The following LRBA variants were observed in gnomAD, a reference collection of about 807,000 sequenced individuals.
LRBA encodes the protein LPS responsive beige-like anchor protein.
In LRBA, 176 loss-of-function variants were observed where a neutral mutation model predicts 330.0. The observed-to-expected ratio is 0.53, with a 90% CI of 0.47 to 0.60. LRBA has a LOEUF of 0.60. Ranked by LOEUF, LRBA falls within the 20% of genes least tolerant of loss-of-function variation. The pLI is 0.00. For synonymous variants in LRBA, 1,230 were observed against 1,193.0 expected, an observed-to-expected ratio of 1.03 and a Z score of -0.64; for missense variants, 3,259 against 3,444.8, an observed-to-expected ratio of 0.95 and a Z score of 1.35.
At chr4:150,793,735 C>A (rs548530024) in intron 34 of LRBA, among the ~76,000 whole-genome samples, 2 of 152,010 alleles carry the variant, frequency 1.3e-5, no homozygotes, top group South Asian at 4.2e-4. Flanking sequence ...CTCATTTAGG[C>A]GTAGAGTTGT....
At position 150,321,389 on chromosome 4, in the gene LRBA, G is replaced by T; in HGVS notation, c.7453-21C>A. 1 of 1,547,144 alleles carries T rather than the reference G, an allele frequency of 6.5e-7. No homozygotes were observed. The highest frequency in any genetic ancestry group is 1.3e-5 in the South Asian group (1 of 79,764). ...GGACTCTGCAGGAGGAGATACTGTTGAGTGGGCATGACAAGACCCAAATAG... is the reference window on the plus strand; with the variant it reads ...GGACTCTGCAGGAGGAGATACTGTTTAGTGGGCATGACAAGACCCAAATAG... On this transcript the variant is annotated intron_variant, in intron 49 of 56. Transcript: ENST00000651943. This position sits in a 1 kb window ranked among gnomAD's most constrained non-coding sequence, Gnocchi z 4.5.
At position 150,314,017 on chromosome 4, in the gene LRBA, T is replaced by C. The variant is rs111698138; in HGVS notation, c.7693+1544A>G. Among the ~76,000 whole-genome samples the C allele has an allele frequency of 8.3e-3, 1,255 of 152,020 alleles. 15 individuals carry two copies. Among genetic ancestry groups the C allele is most frequent in the African/African-American group, 0.029 (1,193 of 41,478 alleles). Reference sequence around the variant, plus strand: ...TTAAAAAGTTTCAGAGTTTGGAGTATTTGGGGCTTGGGATTTGCAGATTAG... The same window carrying C: ...TTAAAAAGTTTCAGAGTTTGGAGTACTTGGGGCTTGGGATTTGCAGATTAG... On this transcript the variant is annotated intron_variant, in intron 51 of 56. Transcript: ENST00000651943.
intron 45 of LRBA, 51 bp downstream of exon 45, chr4:150,436,673 T>C: frequency 6.5e-7 from 1 of 1,536,222 alleles, no homozygotes; most frequent in South Asian, 1.2e-5. Flanking sequence ...TGCATATCCT[T>C]CACAACACTG....
At chr4:150,605,166 G>C (rs1774503755) in intron 37 of LRBA, among the ~76,000 whole-genome samples, 1 of 152,186 alleles carries the variant, frequency 6.6e-6, no homozygotes, top group Admixed American at 6.5e-5. Flanking sequence ...ACTGAAATCA[G>C]TGGTAGCTAT....
At chr4:150,940,048 G>A (rs185226946) in intron 2 of LRBA, among the ~76,000 whole-genome samples, 1 of 151,960 alleles carries the variant, frequency 6.6e-6, no homozygotes, top group East Asian at 1.9e-4. Context: ...ATATTGCTGA[G>A]GAATATATAC....
At chr4:150,795,163 G>C (rs1365321724) in intron 34 of LRBA, among the ~76,000 whole-genome samples, 1 of 152,106 alleles carries the variant, frequency 6.6e-6, no homozygotes, top group Admixed American at 6.5e-5. Flanking sequence ...AAGTGGCCTT[G>C]AATGCAACGT....
chr4:150,752,452 T>G (rs1029149350), intron 35 of LRBA, among the ~76,000 whole-genome samples: 1 of 152,098 alleles, frequency 6.6e-6, no homozygotes, highest in Admixed American at 6.6e-5. Context: ...AAGAATAGAT[T>G]TTGTTGGTAA....
chr4:150,912,676 G>A (rs1022559863), intron 9 of LRBA, among the ~76,000 whole-genome samples: 8 of 152,140 alleles, frequency 5.3e-5, no homozygotes, highest in African/African-American at 1.7e-4. Flanking sequence ...GACCAAAAAG[G>A]TTGGGGACTG....
chr4:150,452,636 A>T (rs1753504351), intron 44 of LRBA, among the ~76,000 whole-genome samples: 2 of 151,764 alleles, frequency 1.3e-5, no homozygotes. Flanking sequence ...GAAAAAAAAA[A>T]AAAAGAAGGG....
At chr4:150,657,560 G>C (rs1401943471) in intron 37 of LRBA, among the ~76,000 whole-genome samples, 2 of 151,824 alleles carry the variant, frequency 1.3e-5, no homozygotes, top group Non-Finnish European at 2.9e-5. Context: ...AGATGTGGAA[G>C]CATTTACCAT....
chr4:150,728,409 C>T (rs1353434203), intron 36 of LRBA, among the ~76,000 whole-genome samples: 1 of 151,970 alleles, frequency 6.6e-6, no homozygotes, highest in Non-Finnish European at 1.5e-5. Flanking sequence ...AAACTATAGG[C>T]CAATCTCACT....
At chr4:150,436,564 T>C (rs1163507077) in intron 45 of LRBA, among the ~76,000 whole-genome samples, 160 bp downstream of exon 45, 1 of 152,154 alleles carries the variant, frequency 6.6e-6, no homozygotes, top group African/African-American at 2.4e-5. Flanking sequence ...TTTAAGGCAA[T>C]ACAAGCCAAA....
intron 2 of LRBA, among the ~76,000 whole-genome samples, chr4:150,982,906 C>T (rs191534666): frequency 1.3e-5 from 2 of 152,130 alleles, no homozygotes; most frequent in Non-Finnish European, 2.9e-5. Flanking sequence ...AGGTGCAGAA[C>T]TGGAAAGTGG....
intron 31 of LRBA, among the ~76,000 whole-genome samples, chr4:150,809,884 CG>C (rs1280540270): frequency 9.5e-5 from 14 of 147,234 alleles, no homozygotes; most frequent in African/African-American, 2.1e-4. Context: ...CGATACGATA[CG>C]ATACGATACG....
In LRBA at chr4:150,590,520, G is replaced by A. The variant is rs72736323; in HGVS notation, c.6193+193C>T. ...ATTATTCACAAAAGAAAAAAATGAG[G>A]AGAGTAAGAAGACTGAATAGAATAG... On this transcript the variant is annotated intron_variant, in intron 39 of 56. Coordinates refer to ENST00000651943, the MANE Select transcript of LRBA (RefSeq NM_001364905.1). Among the ~76,000 whole-genome samples, 244 of 152,208 alleles carry A rather than the reference G, an allele frequency of 1.6e-3. 1 individual carries two copies. Among genetic ancestry groups the A allele is most frequent in the Admixed American group, 3.7e-3 (56 of 15,282 alleles).
intron 56 of LRBA, 36 bp downstream of exon 56, chr4:150,277,817 G>A (rs1746997112): frequency 1.2e-6 from 2 of 1,604,656 alleles, no homozygotes; most frequent in South Asian, 1.1e-5. Flanking sequence ...TGCAGTTTTT[G>A]AAACCCCTAT....
intron 22 of LRBA, among the ~76,000 whole-genome samples, chr4:150,855,995 A>T (rs1158215671): frequency 1.3e-5 from 2 of 152,186 alleles, no homozygotes; most frequent in Non-Finnish European, 2.9e-5. Context: ...AAATACAGGA[A>T]ATATAGAGGT....
intron 37 of LRBA, among the ~76,000 whole-genome samples, chr4:150,616,482 A>AG (rs1215304926): frequency 2.6e-5 from 4 of 152,226 alleles, no homozygotes; most frequent in Non-Finnish European, 4.4e-5. Context: ...TGTGTCAAGG[A>AG]GAAGGTAGTA....
chr4:150,643,397 T>C (rs1778858215), intron 37 of LRBA, among the ~76,000 whole-genome samples: 1 of 151,924 alleles, frequency 6.6e-6, no homozygotes, highest in Non-Finnish European at 1.5e-5. Flanking sequence ...GAGATAGTGA[T>C]GGAGGCACAT....
Sources: allele counts gnomAD v4.1 joint callset (sites outside exome capture counted in the v4.1 genomes callset), GRCh38; gene constraint gnomAD v4.1.1; non-coding constraint Gnocchi (gnomAD v3.1); transcripts MANE v1.5; gene names NCBI Gene and HGNC (gene_info 2026-07-23, HGNC 2026-07-21).